PDE1C: variants seen among roughly 807,000 people sequenced by gnomAD.
PDE1C encodes phosphodiesterase 1C, also known as dual specificity calcium/calmodulin-dependent 3',5'-cyclic nucleotide phosphodiesterase 1C.
Under a neutral mutation model 93.1 loss-of-function variants are expected in PDE1C, and 62 were observed. That is an observed-to-expected ratio of 0.67 (90% CI 0.54 to 0.82). PDE1C has a LOEUF of 0.82. Among genes scored for constraint, PDE1C ranks in the 40% least tolerant of loss-of-function variants. PDE1C has a pLI of 0.00. For synonymous variants in PDE1C, 325 were observed against 310.1 expected (o/e 1.05, Z -0.50); for missense variants, 742 against 884.6 (o/e 0.84, Z 2.04).
intron 3 of PDE1C, among the ~76,000 whole-genome samples, chr7:32,108,510 T>A: frequency 6.7e-6 from 1 of 149,842 alleles, no homozygotes; most frequent in Admixed American, 6.6e-5. Context: ...CAGGACACAG[T>A]AAAAGTTAAA....
chr7:32,380,954 T>A (rs532920873), intron 1 of PDE1C, among the ~76,000 whole-genome samples: 2 of 152,008 alleles, frequency 1.3e-5, no homozygotes, highest in South Asian at 4.2e-4. Flanking sequence ...CCACCTCCAG[T>A]TCCAACCTCT....
intron 17 of PDE1C, among the ~76,000 whole-genome samples, chr7:31,760,179 C>T (rs1361008630): frequency 6.6e-6 from 1 of 152,146 alleles, no homozygotes; most frequent in Non-Finnish European, 1.5e-5. Flanking sequence ...TTAAATAATG[C>T]TAACATCTAT....
chr7:31,888,823 G>T (rs1798283119), intron 2 of PDE1C, among the ~76,000 whole-genome samples: 1 of 152,016 alleles, frequency 6.6e-6, no homozygotes, highest in Non-Finnish European at 1.5e-5. Flanking sequence ...TCTTTAAAAA[G>T]CAGCAAATAA....
intron 1 of PDE1C, among the ~76,000 whole-genome samples, chr7:32,358,856 TA>T (rs71559223): frequency 0.61 from 92,172 of 150,648 alleles, 29,518 homozygotes; most frequent in Admixed American, 0.75. Flanking sequence ...CTCCATAGCA[TA>T]CCTCATCATC....
the PDE1C span, among the ~76,000 whole-genome samples, chr7:31,737,146 T>G: frequency 2.6e-5 from 4 of 152,028 alleles, no homozygotes; most frequent in South Asian, 6.2e-4. Context: ...TTATTTTTAT[T>G]TTTATTTTTT....
At chr7:32,409,969 TG>T (rs1785132126) in intron 1 of PDE1C, among the ~76,000 whole-genome samples, 1 of 152,030 alleles carries the variant, frequency 6.6e-6, no homozygotes, top group Non-Finnish European at 1.5e-5. Flanking sequence ...CCAGTTAACC[TG>T]GTCCCAGGAG....
At chr7:32,148,351 T>G (rs921614390) in intron 3 of PDE1C, among the ~76,000 whole-genome samples, 4 of 152,190 alleles carry the variant, frequency 2.6e-5, no homozygotes, top group African/African-American at 9.6e-5. Context: ...AATATTAAAA[T>G]TATTGAGATA....
At chr7:32,191,139 T>C (rs1471362401) in intron 2 of PDE1C, among the ~76,000 whole-genome samples, 1 of 152,178 alleles carries the variant, frequency 6.6e-6, no homozygotes, top group African/African-American at 2.4e-5. Context: ...AGTGAAGATG[T>C]TTTCAAATTA....
At chr7:31,727,565 T>C in the PDE1C span, among the ~76,000 whole-genome samples, 3 of 152,216 alleles carry the variant, frequency 2.0e-5, no homozygotes, top group Non-Finnish European at 4.4e-5. Context: ...TTAAGGCCTT[T>C]GATGCATATT....
intron 2 of PDE1C, among the ~76,000 whole-genome samples, chr7:31,915,999 G>C (rs779101954): frequency 6.6e-6 from 1 of 152,114 alleles, no homozygotes; most frequent in Non-Finnish European, 1.5e-5. Flanking sequence ...GATTTTCTCT[G>C]TGCTCCATGT....
At chr7:32,244,125 C>A (rs1407259077) in intron 1 of PDE1C, among the ~76,000 whole-genome samples, 1 of 152,156 alleles carries the variant, frequency 6.6e-6, no homozygotes, top group East Asian at 1.9e-4. Context: ...CACCCCACAC[C>A]TGATTTGTGG....
chr7:32,012,677 T>C (rs1787305944), intron 2 of PDE1C, among the ~76,000 whole-genome samples: 1 of 152,204 alleles, frequency 6.6e-6, no homozygotes, highest in Non-Finnish European at 1.5e-5. Flanking sequence ...ATATGATCTT[T>C]ATCCTGAATA....
intron 1 of PDE1C, among the ~76,000 whole-genome samples, chr7:32,425,360 G>A (rs924441852): frequency 6.6e-6 from 1 of 151,948 alleles, no homozygotes; most frequent in African/African-American, 2.4e-5. Flanking sequence ...CTTCAAAGAC[G>A]TGAGCTCAAA....
At chr7:31,780,994 T>G (rs1445987310) in intron 16 of PDE1C, among the ~76,000 whole-genome samples, 2 of 152,218 alleles carry the variant, frequency 1.3e-5, no homozygotes, top group Non-Finnish European at 2.9e-5. Flanking sequence ...CTTATGTGAC[T>G]TGAGGTATCC....
chr7:31,958,580 C>T (rs556669383), intron 2 of PDE1C, among the ~76,000 whole-genome samples: 3 of 152,238 alleles, frequency 2.0e-5, no homozygotes, highest in South Asian at 4.1e-4. Flanking sequence ...CAGTGCCTGT[C>T]GAACAGTAGT....
chr7:31,638,535 A>G, the PDE1C span, among the ~76,000 whole-genome samples: 1 of 152,202 alleles, frequency 6.6e-6, no homozygotes, highest in South Asian at 2.1e-4. Context: ...TAAATAGTCA[A>G]TTATCTTTTT....
At chr7:31,696,150 C>T in the PDE1C span, 2 of 152,350 alleles carry the variant, frequency 1.3e-5, no homozygotes. Flanking sequence ...GCTAACATGT[C>T]TCTGTAACAC....
At chr7:31,838,086 A>G in intron 9 of PDE1C, 115 bp from the exon 10 acceptor site, 1 of 715,662 alleles carries the variant, frequency 1.4e-6, no homozygotes, top group South Asian at 1.7e-5. Flanking sequence ...TGACATTTCT[A>G]ATCTAATTTG....
At chr7:32,128,649 G>A (rs1799721907) in intron 3 of PDE1C, among the ~76,000 whole-genome samples, 1 of 151,376 alleles carries the variant, frequency 6.6e-6, no homozygotes, top group Admixed American at 6.6e-5. Flanking sequence ...CCTAAATGAG[G>A]TGGAACATGG....
Sources: gnomAD v4.1 joint callset for allele counts (sites outside exome capture counted in the v4.1 genomes callset) on GRCh38, gnomAD v4.1.1 for gene constraint, MANE v1.5 for transcripts, NCBI Gene and HGNC (gene_info 2026-07-23, HGNC 2026-07-21) for gene names.